Variants in SLC4A1AP observed in about 807,000 individuals in gnomAD.
The protein encoded by SLC4A1AP is kanadaptin.
Under a neutral mutation model 89.7 loss-of-function variants are expected in SLC4A1AP, and 64 were observed. The ratio of observed to expected loss-of-function variants is 0.71; its 90% CI spans 0.58 to 0.88. The LOEUF (loss-of-function observed/expected upper bound fraction) is 0.88, where lower values mean the gene tolerates loss of function less well. Ranked by LOEUF, SLC4A1AP falls within the 40% of genes least tolerant of loss-of-function variation. The pLI, the probability that SLC4A1AP is intolerant of heterozygous loss-of-function variation, is 0.00. For synonymous variants in SLC4A1AP, 366 were observed against 353.3 expected (o/e 1.04, Z -0.40); for missense variants, 931 against 965.0 (o/e 0.96, Z 0.47).
intron 9 of SLC4A1AP, among the ~76,000 whole-genome samples, chr2:27,683,041 C>T (rs1219599702): frequency 6.6e-6 from 1 of 152,210 alleles, no homozygotes; most frequent in East Asian, 1.9e-4. Context: ...AGTGTGTGCA[C>T]TTGCCTCTGC....
chr2:27,688,069 C>G (rs753644721), intron 11 of SLC4A1AP, 49 bp downstream of exon 11: 7 of 1,507,312 alleles, frequency 4.6e-6, no homozygotes, highest in Non-Finnish European at 6.4e-6. Context: ...AGGTGGCTGA[C>G]TGGTTTCATA....
chr2:27,664,010 G>A (rs766502379), exon 1 of SLC4A1AP: 1 of 1,614,246 alleles, frequency 6.2e-7, no homozygotes, highest in Non-Finnish European at 8.5e-7. Context: ...CAGCGGCGCG[G>A]AGTAAGGCCC....
At chr2:27,666,855 CTATA>C (rs759152205) in intron 2 of SLC4A1AP, among the ~76,000 whole-genome samples, 13 of 127,332 alleles carry the variant, frequency 1.0e-4, no homozygotes, top group African/African-American at 2.5e-4. Flanking sequence ...CACAGATAAA[CTATA>C]TATATATATA....
rs1241645858 is a variant in SLC4A1AP, at chr2:27,693,676, T to C, written c.2272-9T>C. On this transcript the variant is annotated splice_polypyrimidine_tract_variant and intron_variant, in intron 12 of 13. Transcript: ENST00000613058. ...CTTGTGAATAAAACAATCCATCTTT[T>C]CTTTTTAGCTTCCACCAACACTTTC... The C allele has an allele frequency of 6.3e-7, 1 of 1,587,272 alleles. No homozygotes were observed. Among genetic ancestry groups the C allele is most frequent in the Admixed American group, 1.8e-5 (1 of 56,872 alleles).
intron 12 of SLC4A1AP, chr2:27,691,592 CTT>C (rs869045766): frequency 1.3e-4 from 17 of 129,340 alleles, no homozygotes; most frequent in African/African-American, 1.7e-4. Context: ...TTAATCTGTT[CTT>C]TTTTTTTTTT....
At chr2:27,688,082 G>C in intron 11 of SLC4A1AP, 62 bp downstream of exon 11, 2 of 1,392,062 alleles carry the variant, frequency 1.4e-6, no homozygotes, top group Non-Finnish European at 2.0e-6. Context: ...GTTTCATAAG[G>C]GAGGGGCTGG....
Position 27,677,718 on chromosome 2 carries a change from G to A in SLC4A1AP, c.1577-20G>A. The stretch of plus-strand genomic sequence containing the variant: ...TTCAGGATCATCTTTCTAAACATGT[G>A]TTATTCTTTTCTTGGACAGTTCTAT... On this transcript the variant is annotated intron_variant, in intron 7 of 13. Transcript: ENST00000613058. 1 of 1,555,214 alleles carries A rather than the reference G, an allele frequency of 6.4e-7. No homozygotes were observed. Among genetic ancestry groups the A allele is most frequent in the Non-Finnish European group, 8.7e-7 (1 of 1,152,974 alleles).
At chr2:27,677,154 T>G in intron 6 of SLC4A1AP, 141 bp from the exon 7 acceptor site, 5 of 677,018 alleles carry the variant, frequency 7.4e-6, no homozygotes, top group East Asian at 5.1e-5. Context: ...AAAAAAAAAG[T>G]GTTAACTCCA....
chr2:27,685,971 C>T (rs1272907643), intron 10 of SLC4A1AP, among the ~76,000 whole-genome samples: 1 of 152,160 alleles, frequency 6.6e-6, no homozygotes, highest in Non-Finnish European at 1.5e-5. Context: ...CACAACCCCA[C>T]CCCTAAAGAT....
At chr2:27,673,682 C>T (rs888654018) in intron 5 of SLC4A1AP, among the ~76,000 whole-genome samples, 17 of 152,102 alleles carry the variant, frequency 1.1e-4, no homozygotes, top group African/African-American at 2.9e-4. Flanking sequence ...GTTGCCCAGG[C>T]GTGGGTACAT....
intron 5 of SLC4A1AP, among the ~76,000 whole-genome samples, chr2:27,674,670 A>G (rs1675484384): frequency 7.1e-6 from 1 of 140,638 alleles, no homozygotes; most frequent in Admixed American, 7.0e-5. Flanking sequence ...CTTTTGGGTT[A>G]TTGTCCTTTT....
In SLC4A1AP at chr2:27,679,857, T is replaced by C. The variant is rs534281637; in HGVS notation, c.1763+1933T>C. The stretch of plus-strand genomic sequence containing the variant: ...AAAAACAGACTGAATCGGAGATTCA[T>C]CTGCAAGTGATTTATTAAGAGAGTG... On this transcript the variant is annotated intron_variant, in intron 8 of 13. Transcript: ENST00000613058. 5.4e-4 allele frequency among the ~76,000 whole-genome samples: 82 copies of C among 152,246 alleles called. 2 individuals are homozygous for C. In the South Asian group the frequency reaches 0.017, roughly 31 times the overall value.
At chr2:27,690,942 T>G (rs1203548678) in intron 12 of SLC4A1AP, among the ~76,000 whole-genome samples, 2 of 152,284 alleles carry the variant, frequency 1.3e-5, no homozygotes, top group African/African-American at 4.8e-5. Context: ...AGTTTACTAG[T>G]CTTTCATTGA....
chr2:27,664,133 T>G (rs1190447149), exon 1 of SLC4A1AP: 2 of 1,614,042 alleles, frequency 1.2e-6, no homozygotes, highest in African/African-American at 2.7e-5. Flanking sequence ...ACTGCGGTGA[T>G]TTTAGGAGTC....
intron 9 of SLC4A1AP, among the ~76,000 whole-genome samples, chr2:27,683,931 G>GT (rs922848990): frequency 4.6e-5 from 7 of 151,880 alleles, no homozygotes; most frequent in African/African-American, 1.7e-4. Context: ...AGTAGAGACA[G>GT]TTTTTCACCA....
At chr2:27,677,992 T>C in intron 8 of SLC4A1AP, 68 bp downstream of exon 8, 1 of 1,019,460 alleles carries the variant, frequency 9.8e-7, no homozygotes. Context: ...CAATTATCGC[T>C]TTATCTTCTT....
intron 2 of SLC4A1AP, among the ~76,000 whole-genome samples, chr2:27,666,368 C>CCCG (rs1675322403): frequency 5.2e-5 from 2 of 38,828 alleles, no homozygotes; most frequent in Non-Finnish European, 9.4e-5. Context: ...CACCCCCCCC[C>CCCG]CCCACCCCGC....
At chr2:27,691,200 T>A (rs1344619969) in intron 12 of SLC4A1AP, among the ~76,000 whole-genome samples, 4 of 152,122 alleles carry the variant, frequency 2.6e-5, no homozygotes, top group Admixed American at 2.6e-4. Context: ...TAATATTTTT[T>A]AATTACTGAC....
intron 12 of SLC4A1AP, among the ~76,000 whole-genome samples, chr2:27,690,098 T>G (rs1675765718): frequency 6.6e-6 from 1 of 152,250 alleles, no homozygotes; most frequent in South Asian, 2.1e-4. Flanking sequence ...TGTTAGTTTT[T>G]GTTTGCTAAC....
Sources: gnomAD v4.1 joint callset for allele counts (sites outside exome capture counted in the v4.1 genomes callset) on GRCh38, gnomAD v4.1.1 for gene constraint, MANE v1.5 for transcripts, NCBI Gene and HGNC (gene_info 2026-07-23, HGNC 2026-07-21) for gene names.